WDR17: variants seen among roughly 807,000 people sequenced by gnomAD.
WDR17 encodes the protein WD repeat domain 17, also known as WD repeat-containing protein 17.
WDR17 carries 143 observed loss-of-function variants against 161.7 expected under a neutral mutation model. The ratio of observed to expected loss-of-function variants is 0.88; its 90% CI spans 0.77 to 1.02. WDR17 has a LOEUF of 1.02. Among genes scored for constraint, WDR17 ranks in the 50% least tolerant of loss-of-function variants. The probability of loss-of-function intolerance (pLI) is 0.00; values close to 1 mark genes in which losing one functional copy is unlikely to be tolerated. For missense variants in WDR17, 1,469 were observed against 1,520.9 expected, an observed-to-expected ratio of 0.97 and a Z score of 0.57; for synonymous variants, 517 against 515.6, an observed-to-expected ratio of 1.00 and a Z score of -0.04.
chr4:176,150,448 A>T lies in WDR17; in HGVS notation c.2179-20A>T, dbSNP rs564844709. 1.3e-6 allele frequency: 2 copies of T among 1,586,458 alleles called. No individual in the cohort carries two copies. The highest frequency in any genetic ancestry group is 1.9e-5 in the Admixed American group (1 of 52,060). On this transcript the variant is annotated intron_variant, in intron 15 of 28. Coordinates refer to ENST00000508596, the MANE Select transcript of WDR17 (RefSeq NM_181265.4). ...GTTTTTAATTCACTATTCCATATTTATTTTTTGTCAACTCTTTAGCCTCCA... is the reference window on the plus strand; with the variant it reads ...GTTTTTAATTCACTATTCCATATTTTTTTTTTGTCAACTCTTTAGCCTCCA...
At chr4:176,094,819 T>C (rs1375864218) in intron 1 of WDR17, among the ~76,000 whole-genome samples, 4 of 152,186 alleles carry the variant, frequency 2.6e-5, no homozygotes, top group Non-Finnish European at 5.9e-5. Flanking sequence ...TCATCTCAGG[T>C]TACTATCTAG....
intron 13 of WDR17, 55 bp downstream of exon 13, chr4:176,148,390 T>A (rs1048346234): frequency 2.0e-6 from 3 of 1,474,656 alleles, no homozygotes; most frequent in Non-Finnish European, 2.8e-6. Context: ...CTAATGATGC[T>A]TATAACTTCT....
intron 22 of WDR17, 110 bp from the exon 23 acceptor site, chr4:176,168,562 T>C (rs1366709284): frequency 1.7e-5 from 23 of 1,318,100 alleles, no homozygotes; most frequent in Non-Finnish European, 2.4e-5. Context: ...TTTGTGTAAA[T>C]TAAAAAGCAA....
Position 176,161,020 on chromosome 4 carries a change from T to C in WDR17, c.2750+18T>C, listed in dbSNP as rs776648098. ...TTTAATGAGTGAGTGATTTATTTGC[T>C]CTGGGTCCATATGTTTTATGGTTGT... On this transcript the variant is annotated intron_variant, in intron 20 of 28. Coordinates refer to ENST00000508596, the MANE Select transcript of WDR17 (RefSeq NM_181265.4). The C allele has an allele frequency of 3.8e-6, 6 of 1,589,518 alleles. No homozygotes were observed. The South Asian group carries it at 5.8e-5, about 15-fold the overall frequency.
At chr4:176,090,162 T>A (rs1171942583) in intron 1 of WDR17, among the ~76,000 whole-genome samples, 1 of 151,598 alleles carries the variant, frequency 6.6e-6, no homozygotes, top group African/African-American at 2.4e-5. Flanking sequence ...GGTGTTTGGA[T>A]CATGGAGGCA....
intron 18 of WDR17, among the ~76,000 whole-genome samples, chr4:176,159,172 ATTT>A (rs1748616501): frequency 6.6e-6 from 1 of 152,112 alleles, no homozygotes; most frequent in African/African-American, 2.4e-5. Context: ...AGACCAGGTT[ATTT>A]TTAAACAAAA....
At chr4:176,090,098 C>T (rs1735923008) in intron 1 of WDR17, among the ~76,000 whole-genome samples, 1 of 151,918 alleles carries the variant, frequency 6.6e-6, no homozygotes. Flanking sequence ...ATGTTTATCC[C>T]TGAAAAATCC....
chr4:176,128,888 AT>A (rs752706768), intron 6 of WDR17, 28 bp downstream of exon 6: 1 of 1,520,158 alleles, frequency 6.6e-7, no homozygotes, highest in East Asian at 2.4e-5. Flanking sequence ...CAAAATTTTA[AT>A]TTTTAAAAAA....
chr4:176,167,410 G>T (rs7671253), intron 22 of WDR17, among the ~76,000 whole-genome samples: 73,863 of 151,000 alleles, frequency 0.49, 18,667 homozygotes, highest in Admixed American at 0.61. Context: ...ACTTTGGGAG[G>T]CCGAGGCGGG....
At chr4:176,112,182 G>A (rs1473196977) in intron 2 of WDR17, among the ~76,000 whole-genome samples, 1 of 152,150 alleles carries the variant, frequency 6.6e-6, no homozygotes, top group Non-Finnish European at 1.5e-5. Flanking sequence ...GTATCTCAGT[G>A]TCACCAGCTA....
chr4:176,176,968 A>G (rs1265158315), intron 26 of WDR17, 90 bp from the exon 27 acceptor site: 5 of 870,654 alleles, frequency 5.7e-6, no homozygotes, highest in Non-Finnish European at 9.5e-6. Context: ...ACAGAAATAT[A>G]TAAATCTAAA....
At chr4:176,159,923 C>T (rs1748770712) in intron 18 of WDR17, 71 bp from the exon 19 acceptor site, 9 of 1,396,296 alleles carry the variant, frequency 6.4e-6, no homozygotes, top group Non-Finnish European at 8.6e-6. Flanking sequence ...GCCATACTTT[C>T]AGAAAATCTC....
chr4:176,125,258 ACTTTCTTGCATAACAACATTTAATCTTC>A lies in WDR17; in HGVS notation c.695_722del (p.Leu232ProfsTer10). On this transcript the variant is annotated frameshift_variant, in exon 5 of 29. Coordinates refer to ENST00000508596, the MANE Select transcript of WDR17 (RefSeq NM_181265.4). LOFTEE classifies it high-confidence loss of function. ...GAATTCGCCTGGTAGATTCTGAATC[ACTTTCTTGCATAACAACATTTAATCTTC>A]CCAGTGCAGCAGCTTCTGTACAGTG... 6.2e-7 allele frequency: 1 copy of A among 1,614,140 alleles called. No homozygotes were observed. Among genetic ancestry groups the A allele is most frequent in the South Asian group, 1.1e-5 (1 of 91,080 alleles).
intron 6 of WDR17, among the ~76,000 whole-genome samples, chr4:176,130,863 T>A (rs967767142): frequency 6.6e-6 from 1 of 152,128 alleles, no homozygotes; most frequent in East Asian, 1.9e-4. Flanking sequence ...CAAGAAAATA[T>A]TTGGATTCAC....
At chr4:176,125,004 C>T (rs1370828191) in intron 4 of WDR17, 100 bp from the exon 5 acceptor site, 2 of 1,331,636 alleles carry the variant, frequency 1.5e-6, no homozygotes, top group Non-Finnish European at 2.1e-6. Context: ...TTTTCAATAC[C>T]CTCAGAGATA....
At chr4:176,084,338 A>G in intron 1 of WDR17, among the ~76,000 whole-genome samples, 1 of 152,164 alleles carries the variant, frequency 6.6e-6, no homozygotes, top group East Asian at 1.9e-4. Context: ...AAAGGCAGCA[A>G]GGAGCTGGGG....
At chr4:176,158,947 C>A (rs977558196) in intron 18 of WDR17, among the ~76,000 whole-genome samples, 7 of 152,126 alleles carry the variant, frequency 4.6e-5, no homozygotes, top group Non-Finnish European at 7.4e-5. Context: ...CAGCTTCTTT[C>A]TAAACAGCTA....
chr4:176,074,786 G>C (rs971850813), intron 1 of WDR17, among the ~76,000 whole-genome samples: 3 of 148,704 alleles, frequency 2.0e-5, no homozygotes, highest in Non-Finnish European at 4.5e-5. Flanking sequence ...TAAAAGCTCT[G>C]GGCATGCGGG....
chr4:176,105,413 C>T (rs562577383), intron 1 of WDR17, among the ~76,000 whole-genome samples: 62 of 152,162 alleles, frequency 4.1e-4, no homozygotes, highest in African/African-American at 1.3e-3. Context: ...TAACTGCATA[C>T]ACATTCTTCT....
Sources: allele counts gnomAD v4.1 joint callset (sites outside exome capture counted in the v4.1 genomes callset), GRCh38; gene constraint gnomAD v4.1.1; transcripts MANE v1.5; gene names NCBI Gene and HGNC (gene_info 2026-07-23, HGNC 2026-07-21).